Variants in SLC14A2 observed in about 807,000 individuals in gnomAD.
SLC14A2 encodes solute carrier family 14 member 2.
Under a neutral mutation model 104.6 loss-of-function variants are expected in SLC14A2, and 91 were observed. The ratio of observed to expected loss-of-function variants is 0.87; its 90% CI spans 0.73 to 1.04. The LOEUF is 1.04. Among genes scored for constraint, SLC14A2 ranks in the 50% least tolerant of loss-of-function variants. SLC14A2 has a pLI of 0.00. For missense variants in SLC14A2, 1,189 were observed against 1,156.0 expected, an observed-to-expected ratio of 1.03 and a Z score of -0.41; for synonymous variants, 476 against 466.4, an observed-to-expected ratio of 1.02 and a Z score of -0.27.
At chr18:45,609,353 G>A (rs2044931396) in intron 2 of SLC14A2, among the ~76,000 whole-genome samples, 1 of 117,972 alleles carries the variant, frequency 8.5e-6, no homozygotes, top group Non-Finnish European at 1.8e-5. Context: ...ATTCCTTTGT[G>A]CCAATCATAA....
chr18:45,180,471 A>G, the SLC14A2 span, among the ~76,000 whole-genome samples: 1 of 152,234 alleles, frequency 6.6e-6, no homozygotes, highest in East Asian at 1.9e-4. Flanking sequence ...GAAATCATTC[A>G]CTTAAACATA....
Position 45,218,361 on chromosome 18 carries a change from GAAT to G in SLC14A2, c.-125+5175_-125+5177del, listed in dbSNP as rs1289827190. Among the ~76,000 whole-genome samples, 4 of 152,168 alleles carry G rather than the reference GAAT, an allele frequency of 2.6e-5. No individual in the cohort carries two copies. The East Asian group carries it at 5.8e-4, about 22-fold the overall frequency. On this transcript the variant is annotated intron_variant, in intron 1 of 20. Coordinates refer to the SLC14A2 transcript ENST00000586448. Reference sequence around the variant, plus strand: ...CAGAATTTACTTCCTTTTCAAGGCTGAATAATATTCTATTGTATGCATAGGCCA... The same window carrying G: ...CAGAATTTACTTCCTTTTCAAGGCTGAATATTCTATTGTATGCATAGGCCA...
At chr18:45,185,962 G>A in the SLC14A2 span, among the ~76,000 whole-genome samples, 1 of 152,110 alleles carries the variant, frequency 6.6e-6, no homozygotes, top group Non-Finnish European at 1.5e-5. Context: ...ATATTGCTAT[G>A]AGAAAATAAA....
At chr18:45,678,940 TG>T in intron 18 of SLC14A2, 34 bp from the exon 19 acceptor site, 1 of 1,555,570 alleles carries the variant, frequency 6.4e-7, no homozygotes, top group Non-Finnish European at 8.7e-7. Flanking sequence ...AAATAGTTAC[TG>T]GTCTATTTCT....
At position 45,663,786 on chromosome 18, in the gene SLC14A2, A is replaced by G. The variant is rs2045968581; in HGVS notation, c.1353A>G (p.Gly451=). 6.2e-7 allele frequency: 1 copy of G among 1,611,782 alleles called. No homozygotes were observed. The highest frequency in any genetic ancestry group is 1.3e-5 in the African/African-American group (1 of 74,684). The change falls in exon 11 of 20, where the codon GGA becomes GGG. Residue 451 remains glycine, a splice_region_variant and synonymous_variant. Transcript: ENST00000255226. ...KSGEEEKAPS[G]GGGEHPPTAG... ...CTGTCTTGTTTTGCCCCTGGCTAGG[A>G]GGCGGTGGGGAGCATCCACCCACAG...
intron 1 of SLC14A2, among the ~76,000 whole-genome samples, chr18:45,297,151 A>G (rs1449484181): frequency 6.6e-6 from 1 of 152,244 alleles, no homozygotes; most frequent in African/African-American, 2.4e-5. Flanking sequence ...AACAATCAAT[A>G]TAAGAGATCA....
chr18:45,346,995 A>G (rs2085455751), intron 1 of SLC14A2, among the ~76,000 whole-genome samples: 1 of 144,882 alleles, frequency 6.9e-6, no homozygotes, highest in Admixed American at 6.8e-5. Flanking sequence ...AAATAAATAA[A>G]TAAATAAATA....
chr18:45,524,247 A>G (rs8099273), intron 2 of SLC14A2, among the ~76,000 whole-genome samples: 44,700 of 152,114 alleles, frequency 0.29, 7,689 homozygotes, highest in African/African-American at 0.47. Context: ...TGAACCTTGC[A>G]TGGAGAGTGT....
chr18:45,392,503 G>A (rs1270393401), intron 1 of SLC14A2, among the ~76,000 whole-genome samples: 1 of 152,078 alleles, frequency 6.6e-6, no homozygotes, highest in Non-Finnish European at 1.5e-5. Flanking sequence ...GAATGTAATA[G>A]CATATTTTTA....
chr18:45,492,320 C>T (rs897639870), intron 2 of SLC14A2, among the ~76,000 whole-genome samples: 2 of 152,136 alleles, frequency 1.3e-5, no homozygotes, highest in East Asian at 1.9e-4. Flanking sequence ...CTTGAGACTG[C>T]GTAGTTTATA....
At chr18:45,389,413 C>A (rs1172746017) in intron 1 of SLC14A2, among the ~76,000 whole-genome samples, 1 of 152,166 alleles carries the variant, frequency 6.6e-6, no homozygotes. Context: ...TCAAATGAGG[C>A]TTTTCCAAAA....
chr18:45,419,184 C>T (rs2144513817), intron 1 of SLC14A2, among the ~76,000 whole-genome samples: 1 of 152,318 alleles, frequency 6.6e-6, no homozygotes, highest in East Asian at 1.9e-4. Flanking sequence ...TCCTTTGAAA[C>T]TAACAAGAGA....
At chr18:45,193,696 G>C in the SLC14A2 span, among the ~76,000 whole-genome samples, 2 of 152,010 alleles carry the variant, frequency 1.3e-5, no homozygotes, top group Non-Finnish European at 2.9e-5. Context: ...GGTTCTTCTA[G>C]TTTCTTTGTA....
chr18:45,422,898 A>T (rs2086369116), intron 1 of SLC14A2, among the ~76,000 whole-genome samples: 1 of 152,120 alleles, frequency 6.6e-6, no homozygotes, highest in Non-Finnish European at 1.5e-5. Flanking sequence ...CTGCTGTCAC[A>T]TGTAGGCTTA....
At chr18:45,657,382 G>A (rs2045854291) in intron 10 of SLC14A2, among the ~76,000 whole-genome samples, 1 of 151,702 alleles carries the variant, frequency 6.6e-6, no homozygotes. Flanking sequence ...AGCTACTCAG[G>A]AGGCTGAGAC....
At chr18:45,518,666 TAGTC>T (rs10550539) in intron 2 of SLC14A2, among the ~76,000 whole-genome samples, 108,621 of 151,666 alleles carry the variant, frequency 0.72, 39,808 homozygotes, top group Non-Finnish European at 0.81. Flanking sequence ...TGGCCACTGA[TAGTC>T]AGGGATAAAG....
intron 10 of SLC14A2, among the ~76,000 whole-genome samples, chr18:45,653,395 T>A (rs1323050572): frequency 6.6e-6 from 1 of 152,054 alleles, no homozygotes; most frequent in African/African-American, 2.4e-5. Context: ...TCTACTCAGG[T>A]GTAGCTAATT....
chr18:45,491,856 C>T (rs771507807), intron 2 of SLC14A2, among the ~76,000 whole-genome samples: 1 of 152,208 alleles, frequency 6.6e-6, no homozygotes, highest in East Asian at 1.9e-4. Flanking sequence ...CACCAAGGAC[C>T]ACTGGGGTCC....
chr18:45,588,385 C>G (rs953943359), intron 2 of SLC14A2, among the ~76,000 whole-genome samples: 2 of 152,160 alleles, frequency 1.3e-5, no homozygotes, highest in Non-Finnish European at 2.9e-5. Context: ...GGGGACTTGG[C>G]AGTGGATTCT....
Sources: gnomAD v4.1 joint callset for allele counts (sites outside exome capture counted in the v4.1 genomes callset) on GRCh38, gnomAD v4.1.1 for gene constraint, MANE v1.5 for transcripts, NCBI Gene and HGNC (gene_info 2026-07-23, HGNC 2026-07-21) for gene names.